Variants in ISOC1 observed in about 807,000 individuals in gnomAD.
ISOC1 encodes isochorismatase domain-containing protein 1.
In ISOC1, 33 loss-of-function variants were observed where a neutral mutation model predicts 30.0. The ratio of observed to expected loss-of-function variants is 1.10; its 90% CI spans 0.83 to 1.47. The LOEUF is 1.47. Among genes scored for constraint, ISOC1 ranks in the 40% most tolerant of loss-of-function variants. ISOC1 has a pLI of 0.00. For missense variants in ISOC1, 372 were observed against 388.0 expected, an observed-to-expected ratio of 0.96 and a Z score of 0.35; for synonymous variants, 178 against 159.8, an observed-to-expected ratio of 1.11 and a Z score of -0.86.
At chr5:129,103,595 G>T (rs780325841) in intron 1 of ISOC1, among the ~76,000 whole-genome samples, 4 of 152,120 alleles carry the variant, frequency 2.6e-5, no homozygotes, top group South Asian at 2.1e-4. Flanking sequence ...ATAAAACAAA[G>T]TGCAAACCAA....
In ISOC1 at chr5:129,112,982, G is replaced by T. The variant is rs1364193110; in HGVS notation, c.878G>T (p.Gly293Val). 1.9e-6 allele frequency: 3 copies of T among 1,613,178 alleles called. No homozygotes were observed. Among genetic ancestry groups the T allele is most frequent in the Non-Finnish European group, 8.5e-7 (1 of 1,179,482 alleles). ...NLIKASAPES[G>V]LLSKV The stretch of plus-strand genomic sequence containing the variant: ...ATTAAGGCGAGTGCTCCAGAGTCGG[G>T]TCTGCTTTCCAAAGTATAGGACATT... Residue 293 changes from glycine to valine, a missense_variant, in exon 5 of 5, where the codon GGT becomes GTT. Coordinates refer to ENST00000173527, the MANE Select transcript of ISOC1 (RefSeq NM_016048.2).
chr5:129,105,294 T>G lies in ISOC1; in HGVS notation c.539T>G (p.Leu180Arg). The change falls in exon 3 of 5, where the codon CTT becomes CGT. Residue 180 changes from leucine to arginine, a missense_variant. Coordinates refer to ENST00000173527, the MANE Select transcript of ISOC1 (RefSeq NM_016048.2). ...EIDLTGVKLV[L>R]PKTKFSMVLP... ...GATTTAACAGGTGTAAAACTGGTAC[T>G]TCCAAAGACCAAGTTTTCAATGGTA... 1 of 1,613,914 alleles carries G rather than the reference T, an allele frequency of 6.2e-7. No homozygotes were observed. The highest frequency in any genetic ancestry group is 8.5e-7 in the Non-Finnish European group (1 of 1,179,842).
chr5:129,096,382 A>G (rs991357420), intron 1 of ISOC1, among the ~76,000 whole-genome samples: 1 of 152,072 alleles, frequency 6.6e-6, no homozygotes, highest in African/African-American at 2.4e-5. Flanking sequence ...TTGGCAGCTG[A>G]ATTGATGATG....
chr5:129,105,424 A>G, intron 3 of ISOC1, 36 bp downstream of exon 3: 1 of 1,537,818 alleles, frequency 6.5e-7, no homozygotes, highest in South Asian at 1.1e-5. Flanking sequence ...GCACAATATT[A>G]TTTATAGAAA....
At chr5:129,102,023 A>C (rs11951997) in intron 1 of ISOC1, among the ~76,000 whole-genome samples, 3,505 of 152,278 alleles carry the variant, frequency 0.023, 61 homozygotes, top group African/African-American at 0.055. Flanking sequence ...TGTTATTAAC[A>C]TGATGTCATT....
intron 1 of ISOC1, among the ~76,000 whole-genome samples, chr5:129,104,476 A>T (rs1238034676): frequency 6.6e-6 from 1 of 152,146 alleles, no homozygotes; most frequent in Admixed American, 6.5e-5. Flanking sequence ...TGGAAAATAT[A>T]GGAATGGTAT....
chr5:129,105,888 TG>T (rs1753631279), intron 3 of ISOC1, among the ~76,000 whole-genome samples: 1 of 152,222 alleles, frequency 6.6e-6, no homozygotes, highest in East Asian at 1.9e-4. Context: ...TGATTTCAAT[TG>T]ATTTATTCCT....
chr5:129,101,891 T>C (rs1753575970), intron 1 of ISOC1, among the ~76,000 whole-genome samples: 3 of 152,188 alleles, frequency 2.0e-5, no homozygotes. Flanking sequence ...TGGTCAGATA[T>C]TTTGGTAGAA....
At chr5:129,111,688 C>G (rs1161029462) in intron 4 of ISOC1, among the ~76,000 whole-genome samples, 1 of 152,048 alleles carries the variant, frequency 6.6e-6, no homozygotes, top group African/African-American at 2.4e-5. Flanking sequence ...TAGAATTCTT[C>G]TATTTTCCTC....
chr5:129,110,987 G>A (rs1407359356), intron 4 of ISOC1, among the ~76,000 whole-genome samples: 2 of 152,110 alleles, frequency 1.3e-5, no homozygotes, highest in Non-Finnish European at 2.9e-5. Flanking sequence ...CTGGTGATGG[G>A]GAGAGCTGGA....
chr5:129,097,937 C>T lies in ISOC1; in HGVS notation c.309+2862C>T, dbSNP rs957267631. 2.6e-5 allele frequency among the ~76,000 whole-genome samples: 4 copies of T among 152,184 alleles called. No homozygotes were observed. The Middle Eastern group carries it at 0.014, about 518-fold the overall frequency. On this transcript the variant is annotated intron_variant, in intron 1 of 4. Coordinates refer to ENST00000173527, the MANE Select transcript of ISOC1 (RefSeq NM_016048.2). ...GACTCAAGGTGGCCTATCGGTGAGTCCATGTTACTGGGGATGGTTGGCCCC... is the reference window on the plus strand; with the variant it reads ...GACTCAAGGTGGCCTATCGGTGAGTTCATGTTACTGGGGATGGTTGGCCCC...
intron 1 of ISOC1, among the ~76,000 whole-genome samples, chr5:129,098,077 G>A (rs1180635516): frequency 2.0e-5 from 3 of 152,124 alleles, no homozygotes; most frequent in African/African-American, 2.4e-5. Context: ...CCTGGCTCAC[G>A]TACTGTTAGT....
chr5:129,103,622 A>G (rs1753597098), intron 1 of ISOC1, among the ~76,000 whole-genome samples: 3 of 152,224 alleles, frequency 2.0e-5, no homozygotes, highest in African/African-American at 7.2e-5. Flanking sequence ...CAGTTATATC[A>G]TTAAGGATTA....
At chr5:129,110,793 C>G (rs1753696888) in intron 4 of ISOC1, among the ~76,000 whole-genome samples, 2 of 152,168 alleles carry the variant, frequency 1.3e-5, no homozygotes, top group Admixed American at 6.5e-5. Context: ...TCTTTCCTGT[C>G]TCACTAAGGA....
intron 1 of ISOC1, among the ~76,000 whole-genome samples, chr5:129,099,741 T>C (rs928001282): frequency 3.3e-5 from 5 of 152,220 alleles, no homozygotes; most frequent in African/African-American, 1.2e-4. Flanking sequence ...TTTTAACATA[T>C]GCTAAGTTTT....
At chr5:129,101,705 T>C (rs1240016692) in intron 1 of ISOC1, among the ~76,000 whole-genome samples, 1 of 152,188 alleles carries the variant, frequency 6.6e-6, no homozygotes, top group Admixed American at 6.5e-5. Context: ...TACGTTACTA[T>C]TAACTAAACC....
chr5:129,097,093 G>A (rs956153299), intron 1 of ISOC1, among the ~76,000 whole-genome samples: 2 of 150,966 alleles, frequency 1.3e-5, no homozygotes, highest in Admixed American at 6.6e-5. Context: ...AATAACAATA[G>A]CATTACTCTA....
At position 129,094,758 on chromosome 5, in the gene ISOC1, C is replaced by G. The variant is rs1178915287; in HGVS notation, c.-9C>G. ...GGCGGCCTCGGAGCTCGCAGACGCT[C>G]GGGGGAACATGGCGGCTGCGGAGCC... On this transcript the variant is annotated 5_prime_UTR_variant, in exon 1 of 5. Transcript: ENST00000173527. 4.1e-6 allele frequency: 6 copies of G among 1,469,442 alleles called. No homozygotes were observed. The highest frequency in any genetic ancestry group is 2.4e-4 in the Middle Eastern group (1 of 4,138). The allele number at this position is 1,469,442 out of a possible 1,614,324, so 91.0% of individuals were successfully genotyped here. A position where few individuals can be genotyped will look rare whatever the true frequency, so the allele number is the denominator to read the frequency against.
intron 3 of ISOC1, among the ~76,000 whole-genome samples, chr5:129,106,572 T>A (rs1426146426): frequency 6.6e-6 from 1 of 152,166 alleles, no homozygotes; most frequent in Non-Finnish European, 1.5e-5. Flanking sequence ...TGTTGGACAC[T>A]TAGGGTGAAT....
Sources: gnomAD v4.1 joint callset for allele counts (sites outside exome capture counted in the v4.1 genomes callset) on GRCh38, gnomAD v4.1.1 for gene constraint, MANE v1.5 for transcripts, NCBI Gene and HGNC (gene_info 2026-07-23, HGNC 2026-07-21) for gene names.